Variants in PLCH2 observed in about 807,000 individuals in gnomAD.
PLCH2 encodes 1-phosphatidylinositol 4,5-bisphosphate phosphodiesterase eta-2.
PLCH2 carries 98 observed loss-of-function variants against 134.7 expected under a neutral mutation model. The observed-to-expected ratio is 0.73, with a 90% CI of 0.62 to 0.86. The LOEUF (loss-of-function observed/expected upper bound fraction) is 0.86. PLCH2 is among the 40% of genes least tolerant of loss of function. The pLI, the probability that PLCH2 is intolerant of heterozygous loss-of-function variation, is 0.00. For synonymous variants in PLCH2, 974 were observed against 827.5 expected (o/e 1.18, Z -3.04); for missense variants, 1,994 against 1,986.6 (o/e 1.00, Z -0.07).
rs117903287 is a variant in PLCH2 at position 2,480,291 on chromosome 1, G to C, written c.624G>C (p.Gln208His). The change falls in exon 4 of 22, where the codon CAG (glutamine) becomes CAC (histidine). Residue 208 changes from glutamine (Q) to histidine (H), a missense_variant. By Grantham distance (24) the Gln-to-His change is conservative. This residue lies in a region of PLCH2 where 1,094 missense variants were observed against 1,234.3 expected (regional missense o/e 0.89). Coordinates refer to ENST00000378486, the MANE Select transcript of PLCH2 (RefSeq NM_014638.4). ...AGCTCAACGTGAACCTGCCCCGGCA[G>C]AGGGTGAAGCAGATGTTCAGGGTGA... ...LHKLNVNLPR[Q>H]RVKQMFREAD... 1.5e-4 allele frequency: 241 copies of C among 1,612,650 alleles called. 2 individuals carry two copies. The East Asian group carries it at 5.3e-3, about 35-fold the overall frequency.
chr1:2,437,179 G>A (rs941806188), intron 2 of PLCH2, among the ~76,000 whole-genome samples: 6 of 152,234 alleles, frequency 3.9e-5, no homozygotes, highest in Non-Finnish European at 7.3e-5. Context: ...CCCGGGTCAT[G>A]GAGGGCTTGG....
At chr1:2,483,880 TGGCGCTGACTCCCGTGTGGGGG>T (rs1558005190) in intron 4 of PLCH2, among the ~76,000 whole-genome samples, 22 of 10,590 alleles carry the variant, frequency 2.1e-3, no homozygotes, top group Non-Finnish European at 2.8e-3. Context: ...CCCGTGTGGG[TGGCGCTGACTCCCGTGTGGGGG>T]GGCGCTGACT....
intron 5 of PLCH2, among the ~76,000 whole-genome samples, chr1:2,485,694 T>A (rs1004181745): frequency 6.6e-6 from 1 of 152,002 alleles, no homozygotes; most frequent in African/African-American, 2.4e-5. Context: ...GGGGTGCTGC[T>A]TAGGGACCTC....
intron 2 of PLCH2, among the ~76,000 whole-genome samples, chr1:2,441,427 C>T (rs1265452837): frequency 6.6e-6 from 1 of 152,220 alleles, no homozygotes; most frequent in Non-Finnish European, 1.5e-5. Flanking sequence ...GATGTTCATT[C>T]ACAGCACCGA....
At chr1:2,451,877 C>T (rs891860420) in intron 2 of PLCH2, among the ~76,000 whole-genome samples, 2 of 152,182 alleles carry the variant, frequency 1.3e-5, no homozygotes, top group African/African-American at 2.4e-5. Context: ...TGAGCTGTCA[C>T]GGATGCCTGT....
chr1:2,432,162 G>C (rs894423377), intron 2 of PLCH2, among the ~76,000 whole-genome samples: 2 of 152,248 alleles, frequency 1.3e-5, no homozygotes, highest in African/African-American at 4.8e-5. Flanking sequence ...CCACTCTGCA[G>C]ATGAGGCGGT....
At chr1:2,437,967 C>T (rs1639511893) in intron 2 of PLCH2, among the ~76,000 whole-genome samples, 1 of 152,248 alleles carries the variant, frequency 6.6e-6, no homozygotes, top group Non-Finnish European at 1.5e-5. Flanking sequence ...CCTTGCCTGC[C>T]TCTGCCACCC....
chr1:2,440,222 A>T (rs1639624255), intron 2 of PLCH2, among the ~76,000 whole-genome samples: 1 of 152,062 alleles, frequency 6.6e-6, no homozygotes, highest in Non-Finnish European at 1.5e-5. Flanking sequence ...GGTATGGCCC[A>T]GGAAGTGGCC....
chr1:2,443,767 A>G (rs1173803280), intron 2 of PLCH2, among the ~76,000 whole-genome samples: 1 of 146,804 alleles, frequency 6.8e-6, no homozygotes, highest in East Asian at 2.0e-4. Flanking sequence ...CGGCGCCTCC[A>G]CGGGGCGCAG....
In PLCH2 at chr1:2,498,679, TGGGAG is replaced by T; in HGVS notation, c.2349+33_2349+37del. On this transcript the variant is annotated intron_variant, in intron 17 of 21. Coordinates refer to ENST00000378486, the MANE Select transcript of PLCH2 (RefSeq NM_014638.4). The surrounding 1 kb of genome is among the most constrained non-coding windows in gnomAD (Gnocchi z 5.4). ...GCCAGCCCCACACAGGCGGGAGGGG[TGGGAG>T]TTGGGGGCGGGCCGGGCATCGCGAT... is the stretch of plus-strand genomic sequence containing the variant. The T allele has an allele frequency of 6.4e-6, 2 of 311,850 alleles. No individual in the cohort carries two copies. Among genetic ancestry groups the T allele is most frequent in the Non-Finnish European group, 9.6e-6 (2 of 207,774 alleles). 19.3% of individuals were successfully genotyped at this position (311,850 alleles called of 1,614,324 possible).
chr1:2,440,890 C>T (rs566520903), intron 2 of PLCH2, among the ~76,000 whole-genome samples: 3 of 152,234 alleles, frequency 2.0e-5, no homozygotes, highest in South Asian at 2.1e-4. Flanking sequence ...CACGTCCCCC[C>T]GGGAACGGAA....
At chr1:2,482,852 G>T (rs1642049031) in intron 4 of PLCH2, among the ~76,000 whole-genome samples, 1 of 152,200 alleles carries the variant, frequency 6.6e-6, no homozygotes, top group Non-Finnish European at 1.5e-5. Flanking sequence ...AGGCACATCT[G>T]CAGGCCGAGG....
intron 2 of PLCH2, among the ~76,000 whole-genome samples, chr1:2,432,839 C>T (rs1231691056): frequency 1.3e-5 from 2 of 152,204 alleles, no homozygotes; most frequent in African/African-American, 4.8e-5. Flanking sequence ...GGGGCTGTCA[C>T]AGGAGCTGCC....
At chr1:2,494,535 A>T (rs535936689) in intron 11 of PLCH2, 2 of 458,880 alleles carry the variant, frequency 4.4e-6, no homozygotes, top group Admixed American at 7.3e-5. Context: ...TGGTGGGAAA[A>T]AAGGATTCAG....
intron 1 of PLCH2, among the ~76,000 whole-genome samples, chr1:2,429,274 G>C (rs1328437493): frequency 3.3e-5 from 5 of 152,048 alleles, no homozygotes; most frequent in Non-Finnish European, 5.9e-5. Flanking sequence ...GCATGGCTCT[G>C]TGTGTTTGAG....
At chr1:2,486,415 C>T (rs1343595381) in intron 5 of PLCH2, among the ~76,000 whole-genome samples, 1 of 152,190 alleles carries the variant, frequency 6.6e-6, no homozygotes, top group African/African-American at 2.4e-5. Context: ...ACCATAGCGC[C>T]CTGGAGGTCC....
At position 2,504,288 on chromosome 1, in the gene PLCH2, G is replaced by A. The variant is rs769532799; in HGVS notation, c.3326G>A (p.Arg1109Gln). 1.1e-5 allele frequency: 17 copies of A among 1,593,694 alleles called. No individual in the cohort carries two copies. The South Asian group carries it at 1.2e-4, about 12-fold the overall frequency. ...CCCACGGAGCCCCTGGGAGGGTGGC[G>A]GCCCCTGGCCGCTCCCTTTCCAGCT... The part of the protein sequence containing the change: ...QVPTEPLGGW[R>Q]PLAAPFPAPA... The change falls in exon 22 of 22, where the codon CGG becomes CAG. Residue 1109 changes from arginine (R) to glutamine (Q), a missense_variant. Coordinates refer to ENST00000378486, the MANE Select transcript of PLCH2 (RefSeq NM_014638.4).
intron 2 of PLCH2, among the ~76,000 whole-genome samples, chr1:2,462,399 A>C (rs1408238883): frequency 1.0e-5 from 1 of 99,396 alleles, no homozygotes; most frequent in Non-Finnish European, 2.0e-5. Context: ...CCTCCGCCTG[A>C]CACCCCTCTG....
the PLCH2 span, among the ~76,000 whole-genome samples, chr1:2,417,395 G>C: frequency 6.7e-6 from 1 of 149,592 alleles, no homozygotes; most frequent in Non-Finnish European, 1.5e-5. Flanking sequence ...GGGTTGGGGG[G>C]CACTAAGGGT....
Sources: allele counts gnomAD v4.1 joint callset (sites outside exome capture counted in the v4.1 genomes callset), GRCh38; gene constraint gnomAD v4.1.1; regional missense constraint gnomAD v4.1.1; non-coding constraint Gnocchi (gnomAD v3.1); transcripts MANE v1.5; gene names NCBI Gene and HGNC (gene_info 2026-07-23, HGNC 2026-07-21).